Variants in CNTNAP2 observed in about 807,000 individuals in gnomAD.
The protein encoded by CNTNAP2 is contactin associated protein 2.
In CNTNAP2, 98 loss-of-function variants were observed where a neutral mutation model predicts 155.2. The observed-to-expected ratio is 0.63, with a 90% confidence interval of 0.54 to 0.75. CNTNAP2 has a LOEUF of 0.75. Among genes scored for constraint, CNTNAP2 ranks in the 30% least tolerant of loss-of-function variants. The probability of loss-of-function intolerance (pLI) is 0.00; values close to 1 mark genes in which losing one functional copy is unlikely to be tolerated. For missense variants in CNTNAP2, 1,727 were observed against 1,688.1 expected (o/e 1.02, Z -0.40); for synonymous variants, 651 against 631.2 (o/e 1.03, Z -0.47).
intron 21 of CNTNAP2, among the ~76,000 whole-genome samples, chr7:148,349,256 G>A (rs1440449436): frequency 1.3e-5 from 2 of 152,146 alleles, no homozygotes; most frequent in Non-Finnish European, 2.9e-5. Flanking sequence ...CAGATCTAAA[G>A]ACAGGGGGTT....
At chr7:147,121,188 T>A in intron 6 of CNTNAP2, 25 bp downstream of exon 6, 1 of 1,609,324 alleles carries the variant, frequency 6.2e-7, no homozygotes, top group Non-Finnish European at 8.5e-7. Flanking sequence ...GTAGAAATTG[T>A]AATAAAATGT....
intron 1 of CNTNAP2, among the ~76,000 whole-genome samples, chr7:146,656,392 A>G (rs534998754): frequency 6.6e-6 from 1 of 152,364 alleles, no homozygotes; most frequent in African/African-American, 2.4e-5. Flanking sequence ...CAGGTGTATT[A>G]AAAACAAAAA....
intron 1 of CNTNAP2, among the ~76,000 whole-genome samples, chr7:146,149,017 A>G (rs1330794233): frequency 2.3e-5 from 3 of 130,494 alleles, no homozygotes; most frequent in Non-Finnish European, 4.8e-5. Flanking sequence ...AACATCACAC[A>G]CCGGGGCCTG....
chr7:147,288,835 CTT>C (rs996069869), intron 8 of CNTNAP2, among the ~76,000 whole-genome samples: 2 of 152,142 alleles, frequency 1.3e-5, no homozygotes, highest in Admixed American at 1.3e-4. Flanking sequence ...TCTATAATGT[CTT>C]TGTCTTGTGA....
chr7:146,655,005 A>G (rs1243209720), intron 1 of CNTNAP2, among the ~76,000 whole-genome samples: 2 of 152,190 alleles, frequency 1.3e-5, no homozygotes, highest in African/African-American at 4.8e-5. Flanking sequence ...AGAAATCTGT[A>G]ATGATATCTC....
At chr7:146,950,188 A>G (rs1277209072) in intron 3 of CNTNAP2, among the ~76,000 whole-genome samples, 2 of 152,234 alleles carry the variant, frequency 1.3e-5, no homozygotes, top group African/African-American at 4.8e-5. Flanking sequence ...ATCTGAAAGT[A>G]CATGTAGATG....
rs750487951 is a variant in CNTNAP2, at chr7:147,251,434, A to ATAGG, written c.1349-48681_1349-48678dup. 8.8e-4 allele frequency among the ~76,000 whole-genome samples: 133 copies of ATAGG among 150,932 alleles called. 1 individual carries two copies. Among genetic ancestry groups the ATAGG allele is most frequent in the Non-Finnish European group, 6.5e-4 (44 of 67,540 alleles). On this transcript the variant is annotated intron_variant, in intron 8 of 23. Coordinates refer to ENST00000361727, the MANE Select transcript of CNTNAP2 (RefSeq NM_014141.6). ...GTTGTGGAATGTTTAGTCAAAACAG[A>ATAGG]TAGGTAGGTAGGTAGGTAGGTAGGT...
chr7:146,207,991 T>C (rs1401062039), intron 1 of CNTNAP2, among the ~76,000 whole-genome samples: 2 of 151,992 alleles, frequency 1.3e-5, no homozygotes, highest in Non-Finnish European at 2.9e-5. Context: ...AGAGATACCA[T>C]TAAGAAATGA....
intron 1 of CNTNAP2, among the ~76,000 whole-genome samples, chr7:146,166,256 G>A (rs1042269695): frequency 1.3e-5 from 2 of 151,958 alleles, no homozygotes; most frequent in African/African-American, 4.8e-5. Context: ...ACCATGCCTG[G>A]GTACTTTTGT....
chr7:148,413,102 A>G (rs765077566), intron 23 of CNTNAP2, among the ~76,000 whole-genome samples: 1 of 151,956 alleles, frequency 6.6e-6, no homozygotes, highest in Non-Finnish European at 1.5e-5. Context: ...TATTTAAAAG[A>G]ATATTGTGGC....
intron 10 of CNTNAP2, among the ~76,000 whole-genome samples, chr7:147,424,027 G>A (rs2116514096): frequency 6.6e-6 from 1 of 152,236 alleles, no homozygotes; most frequent in South Asian, 2.1e-4. Flanking sequence ...GGAAGAATGT[G>A]GCTGGGGAAA....
chr7:147,077,163 T>G (rs1016635349), intron 4 of CNTNAP2, among the ~76,000 whole-genome samples: 5 of 152,336 alleles, frequency 3.3e-5, no homozygotes, highest in Non-Finnish European at 7.3e-5. Flanking sequence ...GTTTTCCAAT[T>G]TAGCCCTATT....
chr7:147,871,723 A>G (rs374553092), intron 13 of CNTNAP2, among the ~76,000 whole-genome samples: 1 of 140,544 alleles, frequency 7.1e-6, no homozygotes, highest in African/African-American at 2.7e-5. Context: ...TTCCTGCCCT[A>G]TTACTCCTCC....
chr7:148,140,638 T>A (rs1178248016), intron 16 of CNTNAP2, among the ~76,000 whole-genome samples: 1 of 152,050 alleles, frequency 6.6e-6, no homozygotes, highest in Admixed American at 6.6e-5. Context: ...GTCAGGCTGG[T>A]CTCGAACTCC....
intron 2 of CNTNAP2, among the ~76,000 whole-genome samples, chr7:146,792,420 A>G (rs1802690920): frequency 1.3e-5 from 2 of 152,184 alleles, no homozygotes; most frequent in Admixed American, 1.3e-4. Flanking sequence ...GAGGTGAAAT[A>G]CGGACCAAGA....
intron 3 of CNTNAP2, among the ~76,000 whole-genome samples, chr7:146,969,934 A>G (rs1797746847): frequency 6.6e-6 from 1 of 152,210 alleles, no homozygotes; most frequent in Admixed American, 6.5e-5. Flanking sequence ...ATCTTTGACA[A>G]ACTTCACAAA....
intron 1 of CNTNAP2, among the ~76,000 whole-genome samples, chr7:146,701,855 C>G (rs529474786): frequency 1.3e-5 from 2 of 152,132 alleles, no homozygotes; most frequent in Non-Finnish European, 2.9e-5. Flanking sequence ...TCAATCAATA[C>G]ACAATGCAAT....
At chr7:146,677,883 G>C (rs1172093973) in intron 1 of CNTNAP2, among the ~76,000 whole-genome samples, 1 of 152,002 alleles carries the variant, frequency 6.6e-6, no homozygotes, top group East Asian at 1.9e-4. Context: ...GGGTGCAGGG[G>C]TTGGGATGTG....
intron 14 of CNTNAP2, among the ~76,000 whole-genome samples, chr7:147,910,285 T>C (rs1800038370): frequency 6.6e-6 from 1 of 152,222 alleles, no homozygotes; most frequent in Non-Finnish European, 1.5e-5. Flanking sequence ...GTCATGTTGT[T>C]TAAATAATAG....
Sources: allele counts gnomAD v4.1 joint callset (sites outside exome capture counted in the v4.1 genomes callset), GRCh38; gene constraint gnomAD v4.1.1; transcripts MANE v1.5; gene names NCBI Gene and HGNC (gene_info 2026-07-23, HGNC 2026-07-21).